The following SIPA1L3 variants were observed in gnomAD, a reference collection of about 807,000 sequenced individuals.
The protein encoded by SIPA1L3 is signal-induced proliferation-associated 1-like protein 3.
Under a neutral mutation model 150.1 loss-of-function variants are expected in SIPA1L3, and 59 were observed. The observed-to-expected ratio is 0.39, with a 90% confidence interval of 0.32 to 0.49. The LOEUF is 0.49. Among genes scored for constraint, SIPA1L3 ranks in the 20% least tolerant of loss-of-function variants. SIPA1L3 has a pLI of 0.86. For synonymous variants in SIPA1L3, 1,070 were observed against 1,077.6 expected, an observed-to-expected ratio of 0.99 and a Z score of 0.14; for missense variants, 2,211 against 2,489.5, an observed-to-expected ratio of 0.89 and a Z score of 2.38.
At chr19:38,158,108 C>T (rs939872392) in intron 13 of SIPA1L3, among the ~76,000 whole-genome samples, 1 of 152,120 alleles carries the variant, frequency 6.6e-6, no homozygotes, top group Non-Finnish European at 1.5e-5. Context: ...TGGCGGGCAC[C>T]TGTAATCCCA....
intron 1 of SIPA1L3, among the ~76,000 whole-genome samples, chr19:37,988,876 C>T (rs986094471): frequency 2.0e-5 from 3 of 152,152 alleles, no homozygotes; most frequent in African/African-American, 7.2e-5. Context: ...TCTGCGCGGG[C>T]CGTCCTCCCT....
chr19:38,048,661 TAA>T (rs1456554660), intron 2 of SIPA1L3, among the ~76,000 whole-genome samples: 2 of 152,228 alleles, frequency 1.3e-5, no homozygotes, highest in African/African-American at 4.8e-5. Flanking sequence ...GTCCCCTCCC[TAA>T]GTTAGCAAAT....
chr19:38,202,074 G>T, intron 20 of SIPA1L3, 77 bp downstream of exon 20: 2 of 1,444,630 alleles, frequency 1.4e-6, no homozygotes, highest in African/African-American at 2.8e-5. Flanking sequence ...CCAGAGAGAG[G>T]CAGCCATGTG....
In SIPA1L3 at chr19:38,170,304, C is replaced by T. The variant is rs571056782; in HGVS notation, c.4208+5398C>T. 2.0e-5 allele frequency among the ~76,000 whole-genome samples: 3 copies of T among 152,320 alleles called. No individual in the cohort carries two copies. The South Asian group carries it at 6.2e-4, about 32-fold the overall frequency. On this transcript the variant is annotated intron_variant, in intron 15 of 21. Transcript: ENST00000222345. The stretch of plus-strand genomic sequence containing the variant: ...ACAAGTTCCCTGGATGGTCACAGAG[C>T]CACCTGCTTGGGGCCAGACCTTGGT...
At position 37,991,603 on chromosome 19, in the gene SIPA1L3, G is replaced by A. The variant is rs559624689; in HGVS notation, c.-378-37486G>A. ...CCCCACCTGCATGTGAGTTCAGTGGGCCCATTGTGCAGACAGCTTGGCAGG... is the reference window on the plus strand; with the variant it reads ...CCCCACCTGCATGTGAGTTCAGTGGACCCATTGTGCAGACAGCTTGGCAGG... On this transcript the variant is annotated intron_variant, in intron 1 of 21. Transcript: ENST00000222345. 5.9e-5 allele frequency among the ~76,000 whole-genome samples: 9 copies of A among 152,332 alleles called. No homozygotes were observed. In the South Asian group the frequency reaches 1.9e-3, roughly 32 times the overall value.
chr19:37,915,811 A>G (rs906392941), intron 1 of SIPA1L3, among the ~76,000 whole-genome samples: 4 of 152,168 alleles, frequency 2.6e-5, no homozygotes, highest in Admixed American at 6.5e-5. Context: ...ACCTGTGTGC[A>G]CTTTGATTTG....
intron 2 of SIPA1L3, among the ~76,000 whole-genome samples, chr19:38,073,647 G>A (rs1296436752): frequency 6.6e-6 from 1 of 152,214 alleles, no homozygotes; most frequent in African/African-American, 2.4e-5. Flanking sequence ...AGGATGTACA[G>A]AATGAACACG....
At chr19:38,197,873 T>TCC (rs11389860) in intron 18 of SIPA1L3, among the ~76,000 whole-genome samples, 51 of 111,924 alleles carry the variant, frequency 4.6e-4, no homozygotes, top group Middle Eastern at 4.5e-3. Context: ...TCCCCCCAAA[T>TCC]CCCCCCCCAA....
At chr19:38,130,119 T>C (rs1019428466) in intron 9 of SIPA1L3, among the ~76,000 whole-genome samples, 17 of 152,156 alleles carry the variant, frequency 1.1e-4, no homozygotes, top group Admixed American at 3.3e-4. Context: ...CCAGAGGACA[T>C]GGCAGTGCCA....
chr19:38,112,249 C>A (rs921583271), intron 8 of SIPA1L3, among the ~76,000 whole-genome samples: 1 of 151,904 alleles, frequency 6.6e-6, no homozygotes, highest in Non-Finnish European at 1.5e-5. Context: ...TGCACTCACA[C>A]AGGCACACAC....
Position 38,082,497 on chromosome 19 carries a change from A to AGGGGGAGGCTGGGCGTTCCCC in SIPA1L3, c.942_962dup (p.Gly315_Ala321dup), listed in dbSNP as rs761541804. ...CGGAAGCTAAGGAGCAGCAAACCCG[A>AGGGGGAGGCTGGGCGTTCCCC]GGGGGAGGCTGGGCGTTCCCCGGGG... is the stretch of plus-strand genomic sequence containing the variant. On this transcript the variant is annotated inframe_insertion, in exon 3 of 22. Transcript: ENST00000222345. 37 of 1,595,222 alleles carry AGGGGGAGGCTGGGCGTTCCCC rather than the reference A, an allele frequency of 2.3e-5. No individual in the cohort carries two copies. In the South Asian group the frequency reaches 3.5e-4, roughly 15 times the overall value.
At position 37,940,027 on chromosome 19, in the gene SIPA1L3, C is replaced by T. The variant is rs745486019; in HGVS notation, c.-379+32669C>T. 5.3e-4 allele frequency among the ~76,000 whole-genome samples: 81 copies of T among 152,238 alleles called. 1 individual carries two copies. The highest frequency in any genetic ancestry group is 1.7e-3 in the African/African-American group (70 of 41,532). On this transcript the variant is annotated intron_variant, in intron 1 of 21. Transcript: ENST00000222345. ...GGGAAGAGAGTAATGGAAAAGCAAA[C>T]GGGGTCTCCACCCTTGCAGAGCTCG...
intron 1 of SIPA1L3, among the ~76,000 whole-genome samples, chr19:37,967,773 TTAAAA>T (rs2046917130): frequency 6.6e-6 from 1 of 150,622 alleles, no homozygotes; most frequent in Non-Finnish European, 1.5e-5. Context: ...TTGTTAAACT[TTAAAA>T]AAAAAAGTTA....
intron 2 of SIPA1L3, among the ~76,000 whole-genome samples, chr19:38,041,902 T>A (rs1480151034): frequency 6.6e-6 from 1 of 152,210 alleles, no homozygotes; most frequent in Non-Finnish European, 1.5e-5. Flanking sequence ...TTGGTTATTT[T>A]TTTCTAATAT....
chr19:37,940,272 A>C (rs2046641366), intron 1 of SIPA1L3, among the ~76,000 whole-genome samples: 1 of 151,824 alleles, frequency 6.6e-6, no homozygotes, highest in African/African-American at 2.4e-5. Context: ...CAGGCTAAAA[A>C]AAAACCCTGC....
At chr19:38,030,154 G>A (rs192786011) in intron 2 of SIPA1L3, among the ~76,000 whole-genome samples, 346 of 152,144 alleles carry the variant, frequency 2.3e-3, no homozygotes, top group African/African-American at 7.9e-3. Flanking sequence ...GCACCTGGCC[G>A]GTATACAGTT....
Position 38,201,956 on chromosome 19 carries a change from G to A in SIPA1L3, c.5079G>A (p.Leu1693=). The A allele has an allele frequency of 6.2e-7, 1 of 1,613,760 alleles. No homozygotes were observed. Among genetic ancestry groups the A allele is most frequent in the South Asian group, 1.1e-5 (1 of 91,026 alleles). ...GTCCTGTCCACAGCCACCTGAGCCT[G>A]GAGAGGGGACCCCCGACCCCCAGGA... is the stretch of plus-strand genomic sequence containing the variant. The part of the protein sequence containing the change: ...AHSPVHSHLS[L]ERGPPTPRTT... Residue 1693 remains leucine, a synonymous_variant, in exon 20 of 22, where the codon CTG becomes CTA. Transcript: ENST00000222345.
intron 1 of SIPA1L3, among the ~76,000 whole-genome samples, chr19:37,927,417 G>T (rs112126556): frequency 1.7e-4 from 26 of 152,268 alleles, no homozygotes; most frequent in African/African-American, 6.0e-4. Context: ...CTCCCAAAGT[G>T]CTGGGATTAC....
At chr19:38,056,820 T>C (rs1969327250) in intron 2 of SIPA1L3, among the ~76,000 whole-genome samples, 1 of 152,062 alleles carries the variant, frequency 6.6e-6, no homozygotes, top group Admixed American at 6.5e-5. Flanking sequence ...TTCCAACACT[T>C]TGGGAGGCGG....
Sources: allele counts gnomAD v4.1 joint callset (sites outside exome capture counted in the v4.1 genomes callset), GRCh38; gene constraint gnomAD v4.1.1; transcripts MANE v1.5; gene names NCBI Gene and HGNC (gene_info 2026-07-23, HGNC 2026-07-21).